The following DOK7 variants were observed in gnomAD, a reference collection of about 807,000 sequenced individuals.
DOK7 encodes protein Dok-7.
A neutral mutation model predicts 30.7 loss-of-function variants in DOK7; 32 were observed. The observed-to-expected ratio is 1.04, with a 90% CI of 0.79 to 1.40. The LOEUF is 1.40. Among genes scored for constraint, DOK7 ranks in the 40% most tolerant of loss-of-function variants. DOK7 has a pLI of 0.00. For missense variants in DOK7, 1,007 were observed against 699.2 expected, an observed-to-expected ratio of 1.44 and a Z score of -4.97; for synonymous variants, 447 against 324.1, an observed-to-expected ratio of 1.38 and a Z score of -4.07.
intron 7 of DOK7, chr4:3,500,497 G>A: frequency 6.7e-7 from 1 of 1,496,762 alleles, no homozygotes. Context: ...GCAGCCCTTG[G>A]CCAGGGAGCT....
In DOK7 at chr4:3,493,139, C is replaced by T. The variant is rs1381135179; in HGVS notation, c.1153C>T (p.Leu385=). The T allele has an allele frequency of 1.2e-6, 2 of 1,601,010 alleles. No homozygotes were observed. The highest frequency in any genetic ancestry group is 2.3e-5 in the East Asian group (1 of 44,122). The change falls in exon 7 of 7, where the codon CTG becomes TTG. Residue 385 remains leucine (L), a synonymous_variant. Coordinates refer to ENST00000340083, the MANE Select transcript of DOK7 (RefSeq NM_173660.5). ...AGCAGCGGGGGCCCCCGAGCCCAGC[C>T]TGTGCACCTGCCTGCCCGGGACAGT... is the stretch of plus-strand genomic sequence containing the variant. The part of the protein sequence containing the change: ...LPAAGAPEPS[L]CTCLPGTVEY...
Position 3,476,446 on chromosome 4 carries a change from C to T in DOK7, c.436C>T (p.Pro146Ser), listed in dbSNP as rs1727094027. Residue 146 changes from proline (P) to serine (S), a missense_variant, in exon 4 of 7, where the codon CCG becomes TCG. Coordinates refer to ENST00000340083, the MANE Select transcript of DOK7 (RefSeq NM_173660.5). ...CCTCGTCTTGGCCAGGGACATCCCC[C>T]CGGCTGTCACGGGGCAGTGGAAGCT... ...DVLVLARDIP[P>S]AVTGQWKLSD... 6.2e-7 allele frequency: 1 copy of T among 1,613,646 alleles called. No individual in the cohort carries two copies. The highest frequency in any genetic ancestry group is 1.3e-5 in the African/African-American group (1 of 74,896).
intron 5 of DOK7, among the ~76,000 whole-genome samples, chr4:3,489,081 T>C (rs1727996513): frequency 6.6e-6 from 1 of 151,898 alleles, no homozygotes; most frequent in African/African-American, 2.4e-5. Context: ...GGACGATGAA[T>C]AGAGAAGGCG....
intron 5 of DOK7, among the ~76,000 whole-genome samples, chr4:3,487,706 T>C (rs527627409): frequency 6.6e-6 from 1 of 152,264 alleles, no homozygotes; most frequent in African/African-American, 2.4e-5. Flanking sequence ...TGGGAGTCGA[T>C]CCGTGTCTTG....
rs1282356351 is a variant in DOK7, at chr4:3,463,456, G to GA, written c.54+27_54+28insA. 1.4e-6 allele frequency: 2 copies of GA among 1,421,666 alleles called. No homozygotes were observed. The highest frequency in any genetic ancestry group is 5.8e-5 in the Admixed American group (2 of 34,582). The allele number at this position is 1,421,666 out of a possible 1,614,324, so 88.1% of individuals were successfully genotyped here. Reference sequence around the variant, plus strand: ...TCGGGGCGCGTCGGGGGCGCGGGGGGGGGGGGCGCGGGCGCGGGCGGCGGC... The same window carrying GA: ...TCGGGGCGCGTCGGGGGCGCGGGGGGAGGGGGGCGCGGGCGCGGGCGGCGGC... On this transcript the variant is annotated intron_variant, in intron 1 of 6. Transcript: ENST00000340083.
chr4:3,497,301 C>A (rs1272748574), downstream of DOK7, among the ~76,000 whole-genome samples: 1 of 151,984 alleles, frequency 6.6e-6, no homozygotes, highest in Non-Finnish European at 1.5e-5. Flanking sequence ...GGGCTGTGTC[C>A]TCAGACAGCG....
At chr4:3,500,883 C>A in exon 8 of DOK7, 1 of 1,471,456 alleles carries the variant, frequency 6.8e-7, no homozygotes, top group East Asian at 2.5e-5. Flanking sequence ...CCGTGGCCCC[C>A]GGCAGGCCAG....
In DOK7 at chr4:3,493,071, T is replaced by G. The variant is rs1011196043; in HGVS notation, c.1085T>G (p.Val362Gly). Residue 362 changes from valine to glycine, a missense_variant, in exon 7 of 7, where the codon GTG becomes GGG. Coordinates refer to ENST00000340083, the MANE Select transcript of DOK7 (RefSeq NM_173660.5). ...TCCTACGCGGGCAGCAGCCTGGACG[T>G]GTGGCGGGCCACAGATGAACTGGGC... ...LSSYAGSSLDVWRATDELGSL... is the reference protein window; with the variant it reads ...LSSYAGSSLDGWRATDELGSL... 8.2e-6 allele frequency: 13 copies of G among 1,575,830 alleles called. No individual in the cohort carries two copies. Among genetic ancestry groups the G allele is most frequent in the African/African-American group, 1.3e-5 (1 of 74,394 alleles).
rs1560229824 is a variant in DOK7 at position 3,491,537 on chromosome 4, CTT to C, written c.773-1221_773-1220del. 1.8e-4 allele frequency among the ~76,000 whole-genome samples: 3 copies of C among 16,246 alleles called. No individual in the cohort carries two copies. In the East Asian group the frequency reaches 0.054, roughly 290 times the overall value. 10.7% of individuals were successfully genotyped at this position (16,246 alleles called of 152,430 possible). On this transcript the variant is annotated intron_variant, in intron 6 of 6. Coordinates refer to ENST00000340083, the MANE Select transcript of DOK7 (RefSeq NM_173660.5). ...CTTCTGTCTGTTCATTCATTTCTTC[CTT>C]CTCCCACCTATTCATTCATTCCTTC...
At chr4:3,478,451 C>T (rs961786137) in intron 4 of DOK7, among the ~76,000 whole-genome samples, 14 of 152,258 alleles carry the variant, frequency 9.2e-5, no homozygotes, top group African/African-American at 3.4e-4. Context: ...TGCTGCCTCT[C>T]CGGGGCAAGC....
At chr4:3,484,556 G>T (rs1352837478) in intron 4 of DOK7, 2 of 985,368 alleles carry the variant, frequency 2.0e-6, no homozygotes, top group African/African-American at 1.7e-5. Context: ...TCACGCGGCC[G>T]CCAGGGCTTC....
rs1380481676 is a variant in DOK7, at chr4:3,476,555, G to A, written c.532+13G>A. On this transcript the variant is annotated intron_variant, in intron 4 of 6. Transcript: ENST00000340083. ...AGGTGTGGGTACTGTAAGTACGGAT[G>A]TGTGGGGTCACTGGGCAGCAGCAGC... 1 of 1,613,740 alleles carries A rather than the reference G, an allele frequency of 6.2e-7. No individual in the cohort carries two copies. The highest frequency in any genetic ancestry group is 8.5e-7 in the Non-Finnish European group (1 of 1,180,016).
chr4:3,486,184 C>T (rs771351955), intron 5 of DOK7, among the ~76,000 whole-genome samples: 13 of 152,202 alleles, frequency 8.5e-5, no homozygotes, highest in Non-Finnish European at 1.0e-4. Context: ...TCTTGTCTCA[C>T]CCACACTTCC....
At chr4:3,498,855 TG>T (rs1380629103), downstream of DOK7, among the ~76,000 whole-genome samples, 3 of 152,172 alleles carry the variant, frequency 2.0e-5, no homozygotes, top group African/African-American at 7.2e-5. Flanking sequence ...CAGGCAGGGT[TG>T]GGGCAGAATT....
intron 4 of DOK7, 97 bp downstream of exon 4, chr4:3,476,639 G>A: frequency 2.7e-6 from 4 of 1,497,526 alleles, no homozygotes; most frequent in Non-Finnish European, 3.7e-6. Context: ...CTTGCAGGCT[G>A]GCCTGCTGGC....
intron 6 of DOK7, among the ~76,000 whole-genome samples, chr4:3,492,273 G>A (rs933062051): frequency 1.3e-5 from 2 of 152,148 alleles, no homozygotes; most frequent in Non-Finnish European, 2.9e-5. Context: ...GCGAGTCGAG[G>A]TGTGTGGGCA....
intron 2 of DOK7, among the ~76,000 whole-genome samples, chr4:3,468,707 T>C (rs1048043045): frequency 2.9e-4 from 28 of 97,348 alleles, no homozygotes; most frequent in African/African-American, 1.5e-3. Flanking sequence ...TCTGTGTATG[T>C]GTGTGTATGT....
downstream of DOK7, chr4:3,494,551 C>CCGGCG (rs1225515561): frequency 4.1e-6 from 4 of 983,252 alleles, no homozygotes; most frequent in Non-Finnish European, 3.6e-6. Flanking sequence ...GGGCCTCTGC[C>CCGGCG]TGGATGCGAA....
At position 3,463,441 on chromosome 4, in the gene DOK7, T is replaced by C. The variant is rs1204938236; in HGVS notation, c.54+12T>C. ...GGGACGGCAAGAAGGTCGGGGCGCGTCGGGGGCGCGGGGGGGGGGGGCGCG... is the reference window on the plus strand; with the variant it reads ...GGGACGGCAAGAAGGTCGGGGCGCGCCGGGGGCGCGGGGGGGGGGGGCGCG... On this transcript the variant is annotated intron_variant, in intron 1 of 6. Transcript: ENST00000340083. 2.0e-6 allele frequency: 1 copy of C among 493,680 alleles called. No homozygotes were observed. Among genetic ancestry groups the C allele is most frequent in the East Asian group, 7.8e-5 (1 of 12,870 alleles). 30.6% of individuals were successfully genotyped at this position (493,680 alleles called of 1,614,324 possible). A position where few individuals can be genotyped will look rare whatever the true frequency, so the allele number is the denominator to read the frequency against.
Sources: gnomAD v4.1 joint callset for allele counts (sites outside exome capture counted in the v4.1 genomes callset) on GRCh38, gnomAD v4.1.1 for gene constraint, MANE v1.5 for transcripts, NCBI Gene and HGNC (gene_info 2026-07-23, HGNC 2026-07-21) for gene names.